Variants in CSMD3 observed in about 807,000 individuals in gnomAD.
The protein encoded by CSMD3 is CUB and sushi domain-containing protein 3.
In CSMD3, 177 loss-of-function variants were observed where a neutral mutation model predicts 435.2. The ratio of observed to expected loss-of-function variants is 0.41; its 90% CI spans 0.36 to 0.46. CSMD3 has a LOEUF of 0.46. CSMD3 is among the 20% of genes least tolerant of loss of function. CSMD3 has a pLI of 0.34. For missense variants in CSMD3, 4,265 were observed against 4,504.6 expected (o/e 0.95, Z 1.52); for synonymous variants, 1,656 against 1,520.5 (o/e 1.09, Z -2.07).
intron 3 of CSMD3, among the ~76,000 whole-genome samples, chr8:113,202,571 A>G (rs538253405): frequency 6.6e-6 from 1 of 152,100 alleles, no homozygotes; most frequent in Non-Finnish European, 1.5e-5. Flanking sequence ...GCTTTCTTTG[A>G]TATTTCCTTT....
In CSMD3 at chr8:112,595,277, G is replaced by A. The variant is rs575539041; in HGVS notation, c.3716-8042C>T. Among the ~76,000 whole-genome samples the A allele has an allele frequency of 3.0e-3, 450 of 152,036 alleles. 1 individual carries two copies. Among genetic ancestry groups the A allele is most frequent in the African/African-American group, 0.01 (429 of 41,414 alleles). On this transcript the variant is annotated intron_variant, in intron 22 of 70. Coordinates refer to ENST00000297405, the MANE Select transcript of CSMD3 (RefSeq NM_198123.2). Reference sequence around the variant, plus strand: ...AGAAAGGGTATCAGCAATGGAAGATGAAACGAATGAAATGAAGCGAGAAGG... The same window carrying A: ...AGAAAGGGTATCAGCAATGGAAGATAAAACGAATGAAATGAAGCGAGAAGG...
At position 112,459,345 on chromosome 8, in the gene CSMD3, TTG is replaced by T. The variant is rs1306140641; in HGVS notation, c.5395+13244_5395+13245del. Among the ~76,000 whole-genome samples, 142 of 108,156 alleles carry T rather than the reference TTG, an allele frequency of 1.3e-3. 2 individuals are homozygous for T. The South Asian group carries it at 0.015, about 11-fold the overall frequency. 71.0% of individuals were successfully genotyped at this position (108,156 alleles called of 152,430 possible). On this transcript the variant is annotated intron_variant, in intron 32 of 70. Transcript: ENST00000297405. ...ATTTGTGCTCATAATTGTGTGTGTG[TTG>T]TGTGTGTGTGTGGGGGGGGGGGGTT...
At chr8:113,019,315 A>G in intron 5 of CSMD3, 136 bp from the exon 6 acceptor site, 1 of 685,070 alleles carries the variant, frequency 1.5e-6, no homozygotes, top group Admixed American at 2.2e-5. Flanking sequence ...CAAATGAAAT[A>G]GTTCTTTTAT....
chr8:112,528,098 A>C (rs1014558301), intron 27 of CSMD3, among the ~76,000 whole-genome samples: 1 of 152,150 alleles, frequency 6.6e-6, no homozygotes, highest in Non-Finnish European at 1.5e-5. Flanking sequence ...ACATTAACTA[A>C]TACACTGTAT....
At chr8:112,573,327 A>G (rs1021128280) in intron 24 of CSMD3, among the ~76,000 whole-genome samples, 174 bp downstream of exon 24, 4 of 152,150 alleles carry the variant, frequency 2.6e-5, no homozygotes, top group Admixed American at 2.0e-4. Context: ...GGCAATAGCT[A>G]AAATACCTGT....
At chr8:112,584,274 T>C (rs1057291424) in intron 23 of CSMD3, among the ~76,000 whole-genome samples, 1 of 151,712 alleles carries the variant, frequency 6.6e-6, no homozygotes, top group Admixed American at 6.6e-5. Flanking sequence ...AAAATCCAAA[T>C]TCCCACATGT....
chr8:112,793,258 AT>A (rs1412200264), intron 13 of CSMD3, among the ~76,000 whole-genome samples: 2 of 149,090 alleles, frequency 1.3e-5, no homozygotes, highest in South Asian at 2.1e-4. Flanking sequence ...AGATAAAGAA[AT>A]TTGCTCATGA....
chr8:113,060,645 C>A (rs552870192), intron 5 of CSMD3, among the ~76,000 whole-genome samples: 1 of 152,158 alleles, frequency 6.6e-6, no homozygotes, highest in East Asian at 1.9e-4. Context: ...TTTAATAAGA[C>A]ATACTCTATT....
At chr8:112,795,670 T>A (rs1467494563) in intron 13 of CSMD3, among the ~76,000 whole-genome samples, 1 of 151,928 alleles carries the variant, frequency 6.6e-6, no homozygotes, top group African/African-American at 2.4e-5. Flanking sequence ...CGCACCTGAG[T>A]CTCAGATAAA....
At chr8:112,621,389 T>C (rs1241424579) in intron 22 of CSMD3, among the ~76,000 whole-genome samples, 4 of 152,146 alleles carry the variant, frequency 2.6e-5, no homozygotes, top group African/African-American at 9.7e-5. Context: ...GTAAAATCTC[T>C]ATTAATTCAA....
At chr8:112,339,483 T>C (rs1198789769) in intron 42 of CSMD3, among the ~76,000 whole-genome samples, 4 of 151,812 alleles carry the variant, frequency 2.6e-5, no homozygotes, top group African/African-American at 9.7e-5. Context: ...ACACTGGGAG[T>C]GTACTTTTGT....
chr8:112,230,264 C>T (rs991451043), intron 69 of CSMD3, among the ~76,000 whole-genome samples: 1 of 152,058 alleles, frequency 6.6e-6, no homozygotes, highest in Non-Finnish European at 1.5e-5. Flanking sequence ...TGTGTAAATG[C>T]ACTATGTTAA....
intron 10 of CSMD3, among the ~76,000 whole-genome samples, chr8:112,912,060 G>T (rs1364217883): frequency 1.4e-5 from 2 of 147,466 alleles, no homozygotes; most frequent in Non-Finnish European, 3.0e-5. Flanking sequence ...TCAATTATTT[G>T]ATTTTTTTAA....
chr8:112,782,134 TCAAA>T (rs373431514), intron 13 of CSMD3, among the ~76,000 whole-genome samples: 3 of 152,168 alleles, frequency 2.0e-5, no homozygotes, highest in African/African-American at 7.2e-5. Context: ...TGAAAGATAT[TCAAA>T]CAAAGAATTC....
At chr8:112,824,760 G>C (rs1338886507) in intron 12 of CSMD3, among the ~76,000 whole-genome samples, 1 of 152,002 alleles carries the variant, frequency 6.6e-6, no homozygotes. Context: ...TTCAGCCTTG[G>C]GGAATCTGAT....
intron 13 of CSMD3, among the ~76,000 whole-genome samples, chr8:112,709,053 C>T (rs1317300900): frequency 1.3e-5 from 2 of 152,066 alleles, no homozygotes; most frequent in East Asian, 3.9e-4. Flanking sequence ...CTACAGAAAG[C>T]TCTGAATAAG....
intron 63 of CSMD3, among the ~76,000 whole-genome samples, chr8:112,250,471 C>G (rs1815162699): frequency 6.6e-6 from 1 of 151,398 alleles, no homozygotes; most frequent in Non-Finnish European, 1.5e-5. Context: ...CTCTAAATAT[C>G]AGTGCATTAA....
chr8:113,081,230 C>G (rs112504579), intron 5 of CSMD3, among the ~76,000 whole-genome samples: 3,472 of 152,130 alleles, frequency 0.023, 48 homozygotes, highest in Middle Eastern at 0.048. Context: ...TTTCCGGATA[C>G]CATAATCTCA....
intron 10 of CSMD3, among the ~76,000 whole-genome samples, chr8:112,873,058 T>C (rs1290103917): frequency 1.3e-5 from 2 of 152,046 alleles, no homozygotes; most frequent in Non-Finnish European, 2.9e-5. Flanking sequence ...ACTGCCCTCA[T>C]CCTTTCCCAA....
Sources: allele counts gnomAD v4.1 joint callset (sites outside exome capture counted in the v4.1 genomes callset), GRCh38; gene constraint gnomAD v4.1.1; transcripts MANE v1.5; gene names NCBI Gene and HGNC (gene_info 2026-07-23, HGNC 2026-07-21).